DNAH2: variants seen among roughly 807,000 people sequenced by gnomAD.
The protein encoded by DNAH2 is dynein axonemal heavy chain 2.
A neutral mutation model predicts 523.5 loss-of-function variants in DNAH2; 323 were observed. The observed-to-expected ratio is 0.62, with a 90% CI of 0.56 to 0.68. The LOEUF (loss-of-function observed/expected upper bound fraction) is 0.68, where lower values mean the gene tolerates loss of function less well. Ranked by LOEUF, DNAH2 falls within the 30% of genes least tolerant of loss-of-function variation. The pLI, the probability that DNAH2 is intolerant of heterozygous loss-of-function variation, is 0.00. For missense variants in DNAH2, 4,907 were observed against 5,701.5 expected, an observed-to-expected ratio of 0.86 and a Z score of 4.49; for synonymous variants, 2,093 against 2,177.4, an observed-to-expected ratio of 0.96 and a Z score of 1.08.
intron 42 of DNAH2, 79 bp downstream of exon 42, chr17:7,787,112 A>G: frequency 6.5e-7 from 1 of 1,549,424 alleles, no homozygotes; most frequent in Non-Finnish European, 8.7e-7. Context: ...GAGGAGAGCC[A>G]GAAATCTCAG....
At position 7,791,935 on chromosome 17, in the gene DNAH2, G is replaced by A. The variant is rs759966344; in HGVS notation, c.6919G>A (p.Glu2307Lys). ...CATCCAGGTGAACCCAGCTGACGGC[G>A]AGAACTATGTCACCATGGTAGAGAT... is the stretch of plus-strand genomic sequence containing the variant. ...PENGVNPADG[E>K]NYVTMVEMTF... The change falls in exon 45 of 86, where the codon GAG (glutamate) becomes AAG (lysine). Residue 2307 changes from glutamate (E) to lysine (K), a missense_variant. Physicochemically the swap from Glu to Lys is moderately conservative, Grantham distance 56. Around this residue, in one of 3 missense-constraint regions of DNAH2, gnomAD observed 2,806 missense variants for 3,190.8 expected, o/e 0.88. Coordinates refer to ENST00000572933, the MANE Select transcript of DNAH2 (RefSeq NM_020877.5). 5.6e-6 allele frequency: 9 copies of A among 1,613,616 alleles called. No individual in the cohort carries two copies. The East Asian group carries it at 8.9e-5, about 16-fold the overall frequency.
rs146168683 is a variant in DNAH2, at chr17:7,796,479, C to T, written c.7690C>T (p.Arg2564Cys). Residue 2564 changes from arginine (R) to cysteine (C), a missense_variant, in exon 50 of 86, where the codon CGC becomes TGC. Around this residue, in one of 3 missense-constraint regions of DNAH2, gnomAD observed 250 missense variants for 371.3 expected, o/e 0.67. Transcript: ENST00000572933. ...CTGTTTCTAGAAGTCCCAGATCATC[C>T]GCATATTCGGCACCATGATCAATCA... ...MTFPTKSQII[R>C]IFGTMINQKL... 2.5e-4 allele frequency: 396 copies of T among 1,613,702 alleles called. No homozygotes were observed. The highest frequency in any genetic ancestry group is 3.2e-4 in the Non-Finnish European group (374 of 1,179,964).
chr17:7,763,761 G>T, intron 18 of DNAH2, 70 bp from the exon 19 acceptor site: 1 of 1,581,574 alleles, frequency 6.3e-7, no homozygotes, highest in Non-Finnish European at 8.6e-7. Context: ...GAGACCTGCA[G>T]CCCGTGTGGG....
Position 7,780,889 on chromosome 17 carries a change from C to G in DNAH2, c.6003+107C>G. On this transcript the variant is annotated intron_variant, in intron 38 of 85. Transcript: ENST00000572933. This position sits in a 1 kb window ranked among gnomAD's most constrained non-coding sequence, Gnocchi z 4.4. ...TCTTTCCTCAGATTGGGATTCTCAC[C>G]TTCCCACCTCGTCCCATCCCCGTGT... is the stretch of plus-strand genomic sequence containing the variant. 6.3e-7 allele frequency: 1 copy of G among 1,582,072 alleles called. No homozygotes were observed. Among genetic ancestry groups the G allele is most frequent in the Non-Finnish European group, 8.6e-7 (1 of 1,160,854 alleles).
chr17:7,822,641 G>C (rs1448983982), intron 73 of DNAH2, among the ~76,000 whole-genome samples: 2 of 150,866 alleles, frequency 1.3e-5, no homozygotes, highest in African/African-American at 4.9e-5. Context: ...TATGTTTTTG[G>C]TTCATAATCT....
At chr17:7,804,845 C>T (rs76477264) in intron 59 of DNAH2, 113 bp from the exon 60 acceptor site, 16 of 795,920 alleles carry the variant, frequency 2.0e-5, no homozygotes, top group African/African-American at 3.7e-5. Flanking sequence ...GACTCCATCT[C>T]AAAAAAAAAA....
chr17:7,732,067 T>G (rs550841569), intron 4 of DNAH2, among the ~76,000 whole-genome samples: 158 of 152,020 alleles, frequency 1.0e-3, no homozygotes, highest in Non-Finnish European at 1.9e-3. Flanking sequence ...TGCCAATATT[T>G]ATTTTATTTC....
Position 7,798,344 on chromosome 17 carries a change from A to G in DNAH2, c.8398+20A>G. The G allele has an allele frequency of 6.3e-7, 1 of 1,597,180 alleles. No homozygotes were observed. The highest frequency in any genetic ancestry group is 8.6e-7 in the Non-Finnish European group (1 of 1,169,162). On this transcript the variant is annotated intron_variant, in intron 54 of 85. Coordinates refer to ENST00000572933, the MANE Select transcript of DNAH2 (RefSeq NM_020877.5). The surrounding 1 kb of genome is among the most constrained non-coding windows in gnomAD (Gnocchi z 5.5). Reference sequence around the variant, plus strand: ...GAGATGGTACGGCTGGGTTTCTGAAATGCTAGGAATAAAAGATCAGATGCA... The same window carrying G: ...GAGATGGTACGGCTGGGTTTCTGAAGTGCTAGGAATAAAAGATCAGATGCA...
At position 7,788,066 on chromosome 17, in the gene DNAH2, C is replaced by T. The variant is rs369681967; in HGVS notation, c.6742-20C>T. 4.1e-4 allele frequency: 667 copies of T among 1,613,712 alleles called. No homozygotes were observed. The highest frequency in any genetic ancestry group is 5.5e-4 in the Non-Finnish European group (650 of 1,179,792). On this transcript the variant is annotated intron_variant, in intron 43 of 85. Transcript: ENST00000572933. ...CAGGACACAAGGGTGAATGAAGAGC[C>T]CCTTCTTATTCAACTCCAGGCTGAG...
chr17:7,720,314 G>A (rs2074562308), intron 2 of DNAH2, among the ~76,000 whole-genome samples: 1 of 152,146 alleles, frequency 6.6e-6, no homozygotes, highest in South Asian at 2.1e-4. Context: ...GACTCAGCCT[G>A]TTTTGCCACC....
At chr17:7,719,329 A>T (rs888797742) in intron 1 of DNAH2, among the ~76,000 whole-genome samples, 1 of 152,016 alleles carries the variant, frequency 6.6e-6, no homozygotes, top group East Asian at 1.9e-4. Flanking sequence ...GGGTTTTGCC[A>T]TGTTGGCCAG....
At chr17:7,747,818 A>G (rs1025327609) in intron 12 of DNAH2, among the ~76,000 whole-genome samples, 5 of 152,238 alleles carry the variant, frequency 3.3e-5, no homozygotes, top group Admixed American at 2.6e-4. Context: ...GCCTCAATCC[A>G]GTAAATAATG....
chr17:7,737,640 G>A lies in DNAH2; in HGVS notation c.1170+382G>A, dbSNP rs954583593. Among the ~76,000 whole-genome samples, 4 of 152,174 alleles carry A rather than the reference G, an allele frequency of 2.6e-5. 1 individual carries two copies. Among genetic ancestry groups the A allele is most frequent in the Admixed American group, 2.6e-4 (4 of 15,266 alleles). On this transcript the variant is annotated intron_variant, in intron 8 of 85. Transcript: ENST00000572933. ...GAGAGGGGATTTAGGAAGGAGCACC[G>A]GCTCTTGAGGAGCAGGGCCTGGTGC...
In DNAH2 at chr17:7,766,395, C is replaced by G. The variant is rs551559878; in HGVS notation, c.3589C>G (p.Arg1197Gly). The change falls in exon 22 of 86, where the codon CGG (arginine) becomes GGG (glycine). Residue 1197 changes from arginine (R) to glycine (G), a missense_variant. Arg to Gly is a moderately radical substitution (Grantham distance 125, BLOSUM62 -2). Transcript: ENST00000572933. ...TQVRAMLMAM[R>G]EEENSLRANL... ...AGTGCGGGCCATGCTGATGGCCATG[C>G]GGGAAGAGGAAAATAGTCTCCGAGC... 1 of 1,613,840 alleles carries G rather than the reference C, an allele frequency of 6.2e-7. No homozygotes were observed. The highest frequency in any genetic ancestry group is 8.5e-7 in the Non-Finnish European group (1 of 1,179,988).
chr17:7,805,159 C>T, intron 60 of DNAH2, 85 bp downstream of exon 60: 1 of 1,595,034 alleles, frequency 6.3e-7, no homozygotes, highest in Non-Finnish European at 8.6e-7. Context: ...TCCTCAAAGA[C>T]TCTGGGGAAG....
chr17:7,809,951 G>A (rs2077464585), intron 63 of DNAH2, among the ~76,000 whole-genome samples: 1 of 151,688 alleles, frequency 6.6e-6, no homozygotes, highest in South Asian at 2.1e-4. Context: ...AGTCTTACAA[G>A]TTGTTGGGAT....
rs535721724 is a variant in DNAH2 at position 7,718,105 on chromosome 17, T to C, written c.-709T>C. 10 of 152,292 alleles carry C rather than the reference T, an allele frequency of 6.6e-5. No homozygotes were observed. Among genetic ancestry groups the C allele is most frequent in the African/African-American group, 2.4e-4 (10 of 41,550 alleles). 9.4% of individuals were successfully genotyped at this position (152,292 alleles called of 1,614,324 possible). Reference sequence around the variant, plus strand: ...TGGATAAATACTGCTGGATTTATACTGCAGGATAAATACTGCTGGCCCCTG... The same window carrying C: ...TGGATAAATACTGCTGGATTTATACCGCAGGATAAATACTGCTGGCCCCTG... On this transcript the variant is annotated 5_prime_UTR_variant, in exon 1 of 86. Transcript: ENST00000572933.
At position 7,776,143 on chromosome 17, in the gene DNAH2, T is replaced by G; in HGVS notation, c.4941T>G (p.Ala1647=). Residue 1647 remains alanine, a synonymous_variant, in exon 31 of 86, where the codon GCT becomes GCG. Transcript: ENST00000572933. Reference sequence around the variant, plus strand: ...GGGACAAATGGGTGAAGGAGTGGGCTGGCCAGGTGAGCTGGGGTCAACAGA... The same window carrying G: ...GGGACAAATGGGTGAAGGAGTGGGCGGGCCAGGTGAGCTGGGGTCAACAGA... The part of the protein sequence containing the change: ...NKRDKWVKEW[A]GQVVITASQI... 2.5e-6 allele frequency: 4 copies of G among 1,613,442 alleles called. No homozygotes were observed. Among genetic ancestry groups the G allele is most frequent in the Non-Finnish European group, 3.4e-6 (4 of 1,179,672 alleles).
rs951191989 is a variant in DNAH2 at position 7,832,345 on chromosome 17, T to TA, written c.12727-227dup. On this transcript the variant is annotated intron_variant, in intron 82 of 85. Coordinates refer to ENST00000572933, the MANE Select transcript of DNAH2 (RefSeq NM_020877.5). The surrounding 1 kb of genome is among the most constrained non-coding windows in gnomAD (Gnocchi z 4.3). Reference sequence around the variant, plus strand: ...CAACATGGTGAAACCCCGTCTCTACTAAAAAAATACAAAAATTAGCCGGGC... The same window carrying TA: ...CAACATGGTGAAACCCCGTCTCTACTAAAAAAAATACAAAAATTAGCCGGGC... Among the ~76,000 whole-genome samples, 8 of 151,748 alleles carry TA rather than the reference T, an allele frequency of 5.3e-5. No homozygotes were observed. The highest frequency in any genetic ancestry group is 9.7e-5 in the African/African-American group (4 of 41,246).
Sources: allele counts gnomAD v4.1 joint callset (sites outside exome capture counted in the v4.1 genomes callset), GRCh38; gene constraint gnomAD v4.1.1; regional missense constraint gnomAD v4.1.1; non-coding constraint Gnocchi (gnomAD v3.1); transcripts MANE v1.5; gene names NCBI Gene and HGNC (gene_info 2026-07-23, HGNC 2026-07-21).